The following NHS variants were observed in gnomAD, a reference collection of about 807,000 sequenced individuals.
NHS encodes NHS actin remodeling regulator, also known as actin remodeling regulator NHS.
A neutral mutation model predicts 72.5 loss-of-function variants in NHS; 5 were observed. The observed-to-expected ratio is 0.07, with a 90% CI of 0.04 to 0.14. The LOEUF (loss-of-function observed/expected upper bound fraction) is 0.14, where lower values mean the gene tolerates loss of function less well. Ranked by LOEUF, NHS falls within the 10% of genes least tolerant of loss-of-function variation. NHS has a pLI of 1.00. For missense variants in NHS, 1,072 were observed against 1,355.7 expected, an observed-to-expected ratio of 0.79 and a Z score of 3.29; for synonymous variants, 464 against 547.7, an observed-to-expected ratio of 0.85 and a Z score of 2.13.
intron 1 of NHS, among the ~76,000 whole-genome samples, chrX:17,679,983 GCCCT>G (rs2066116395): frequency 9.0e-6 from 1 of 111,702 alleles, no homozygotes; most frequent in Admixed American, 9.5e-5. Flanking sequence ...AATGGGCAGG[GCCCT>G]CTCTTGCAGC....
intron 1 of NHS, among the ~76,000 whole-genome samples, chrX:17,575,783 A>G (rs12013261): frequency 0.51 from 56,128 of 110,569 alleles, 12,586 homozygotes; most frequent in African/African-American, 0.87. Flanking sequence ...CAAATGGCTC[A>G]TGTATCTGGC....
At chrX:17,486,875 T>C (rs754813553) in intron 1 of NHS, among the ~76,000 whole-genome samples, 1 of 111,646 alleles carries the variant, frequency 9.0e-6, no homozygotes, top group African/African-American at 3.3e-5. Flanking sequence ...CCAATAAACT[T>C]ATCTAACCAC....
chrX:17,729,717 C>T (rs1298840817), intron 8 of NHS, among the ~76,000 whole-genome samples: 1 of 111,939 alleles, frequency 8.9e-6, no homozygotes, highest in Non-Finnish European at 1.9e-5. Flanking sequence ...AGCCCTTGGA[C>T]ACCTAATCTA....
chrX:17,683,094 T>C (rs973582884), intron 1 of NHS, among the ~76,000 whole-genome samples: 2 of 112,369 alleles, frequency 1.8e-5, no homozygotes, highest in African/African-American at 6.5e-5. Context: ...AATTCCATTA[T>C]CTCCAGTGTT....
intron 1 of NHS, among the ~76,000 whole-genome samples, chrX:17,447,125 A>G (rs1168960329): frequency 9.0e-6 from 1 of 111,643 alleles, no homozygotes; most frequent in Non-Finnish European, 1.9e-5. Context: ...AGTTGTCAAG[A>G]TAGGTCTCCA....
chrX:17,380,965 G>T, intron 1 of NHS, among the ~76,000 whole-genome samples: 1 of 110,919 alleles, frequency 9.0e-6, no homozygotes. Context: ...TCTTCTATAA[G>T]GGGATCTATT....
Position 17,728,058 on chromosome X carries a change from G to C in NHS, c.3952G>C (p.Glu1318Gln). ...SAGLEEVAQP[E>Q]SVDVITSQSD... ...AGGTCTGGAGGAAGTTGCACAACCT[G>C]AATCTGTGGATGTAATCACATCTCA... The change falls in exon 7 of 9, where the codon GAA becomes CAA. Residue 1318 changes from glutamate to glutamine, a missense_variant. Physicochemically the swap from Glu to Gln is conservative, Grantham distance 29 (BLOSUM62 2). Coordinates refer to ENST00000676302, the MANE Select transcript of NHS (RefSeq NM_001291867.2). 1.7e-6 allele frequency: 2 copies of C among 1,211,648 alleles called. No homozygotes were observed. Among genetic ancestry groups the C allele is most frequent in the Non-Finnish European group, 1.1e-6 (1 of 895,478 alleles).
At chrX:17,442,440 C>A (rs1569255390) in intron 1 of NHS, among the ~76,000 whole-genome samples, 1 of 112,435 alleles carries the variant, frequency 8.9e-6, no homozygotes, top group Non-Finnish European at 1.9e-5. Context: ...CTTCTGCCCA[C>A]TTGCCGTTGG....
intron 1 of NHS, among the ~76,000 whole-genome samples, chrX:17,610,906 G>T (rs1392721808): frequency 8.9e-6 from 1 of 112,389 alleles, no homozygotes; most frequent in Non-Finnish European, 1.9e-5. Flanking sequence ...TAATCACATA[G>T]ATCTGTAACC....
At chrX:17,534,190 G>A (rs1368948859) in intron 1 of NHS, among the ~76,000 whole-genome samples, 2 of 111,962 alleles carry the variant, frequency 1.8e-5, no homozygotes, top group Non-Finnish European at 3.8e-5. Flanking sequence ...TGCCCTGGCA[G>A]CCAGTGGGTC....
At chrX:17,700,268 C>T (rs1208806928) in intron 3 of NHS, among the ~76,000 whole-genome samples, 2 of 108,530 alleles carry the variant, frequency 1.8e-5, no homozygotes, top group African/African-American at 3.4e-5. Context: ...CATGGTGAAA[C>T]CCCGTCTCTA....
intron 1 of NHS, among the ~76,000 whole-genome samples, chrX:17,539,868 AG>A (rs1420979029): frequency 8.9e-6 from 1 of 111,988 alleles, no homozygotes; most frequent in Non-Finnish European, 1.9e-5. Flanking sequence ...AGCAGGTGTG[AG>A]GTTTCTGTTT....
rs1569317575 is a variant in NHS, at chrX:17,721,434, T to C, written c.916-7T>C. 2 of 1,210,681 alleles carry C rather than the reference T, an allele frequency of 1.7e-6. No individual in the cohort carries two copies. ...GATGGCTGAACCTGATTGTACTTTG[T>C]TTGCAGTCCCATCCCCCAGAGGATG... On this transcript the variant is annotated splice_polypyrimidine_tract_variant and splice_region_variant and intron_variant, in intron 4 of 8. Transcript: ENST00000676302.
chrX:17,641,862 C>T (rs1253137884), intron 1 of NHS, among the ~76,000 whole-genome samples: 3 of 111,619 alleles, frequency 2.7e-5, no homozygotes, highest in African/African-American at 9.8e-5. Context: ...GGGAAGGAAG[C>T]TTCTAAGGAA....
At chrX:17,544,087 T>A (rs1408513992) in intron 1 of NHS, among the ~76,000 whole-genome samples, 1 of 112,718 alleles carries the variant, frequency 8.9e-6, no homozygotes, top group Non-Finnish European at 1.9e-5. Flanking sequence ...ATAGCTAATA[T>A]CTCTTAAGTG....
rs959931498 is a variant in NHS, at chrX:17,646,362, G to A, written c.566-41380G>A. Among the ~76,000 whole-genome samples, 4 of 111,816 alleles carry A rather than the reference G, an allele frequency of 3.6e-5. No individual in the cohort carries two copies. In the Admixed American group the frequency reaches 3.8e-4, roughly 11 times the overall value. On this transcript the variant is annotated intron_variant, in intron 1 of 8. Transcript: ENST00000676302. The stretch of plus-strand genomic sequence containing the variant: ...GGTAAAACATGGATAAGGGGCTTTT[G>A]ACAAGAACAGGAGACTTCTTTACCT...
At chrX:17,488,468 C>T (rs1253331057) in intron 1 of NHS, among the ~76,000 whole-genome samples, 1 of 110,974 alleles carries the variant, frequency 9.0e-6, no homozygotes, top group African/African-American at 3.3e-5. Context: ...GGTATGCAAT[C>T]ACCACATCCA....
At chrX:17,646,548 T>G (rs968102513) in intron 1 of NHS, among the ~76,000 whole-genome samples, 3 of 111,653 alleles carry the variant, frequency 2.7e-5, no homozygotes, top group South Asian at 3.8e-4. Flanking sequence ...TACTTTTATG[T>G]CTCCTCTGCT....
intron 1 of NHS, among the ~76,000 whole-genome samples, chrX:17,537,502 G>A (rs1225575921): frequency 2.7e-5 from 3 of 112,484 alleles, no homozygotes; most frequent in Admixed American, 9.4e-5. Context: ...GTGCTATCCT[G>A]AGCTAACTTC....
Sources: gnomAD v4.1 joint callset for allele counts (sites outside exome capture counted in the v4.1 genomes callset) on GRCh38, gnomAD v4.1.1 for gene constraint, MANE v1.5 for transcripts, NCBI Gene and HGNC (gene_info 2026-07-23, HGNC 2026-07-21) for gene names.